Variants in TMBIM6 observed in about 807,000 individuals in gnomAD.
The protein encoded by TMBIM6 is bax inhibitor 1.
In TMBIM6, 13 loss-of-function variants were observed where a neutral mutation model predicts 31.4. That is an observed-to-expected ratio of 0.41 (90% CI 0.27 to 0.66). The LOEUF (loss-of-function observed/expected upper bound fraction) is 0.66, where lower values mean the gene tolerates loss of function less well. TMBIM6 is among the 30% of genes least tolerant of loss of function. The pLI is 0.28. For missense variants in TMBIM6, 275 were observed against 289.5 expected, an observed-to-expected ratio of 0.95 and a Z score of 0.36; for synonymous variants, 85 against 101.7, an observed-to-expected ratio of 0.84 and a Z score of 0.99.
At chr12:49,760,137 G>T (rs1345286466) in intron 8 of TMBIM6, among the ~76,000 whole-genome samples, 1 of 151,250 alleles carries the variant, frequency 6.6e-6, no homozygotes, top group Non-Finnish European at 1.5e-5. Flanking sequence ...AAAAGTGTTG[G>T]GGGGTGGCTA....
In TMBIM6 at chr12:49,752,480, C is replaced by T. The variant is rs138716941; in HGVS notation, c.-14C>T. The T allele has an allele frequency of 1.4e-4, 219 of 1,612,822 alleles. 2 individuals carry two copies. In the South Asian group the frequency reaches 1.5e-3, roughly 11 times the overall value. On this transcript the variant is annotated 5_prime_UTR_variant, in exon 2 of 10. The change creates a new upstream start codon in the 5' untranslated region. Coordinates refer to ENST00000267115, the MANE Select transcript of TMBIM6 (RefSeq NM_003217.3). ...ATTCTGCAGAGTGGAGACTGCTGCA[C>T]GGACTCTGGAACCATGAACATATTT...
chr12:49,748,689 C>T (rs1449866479), intron 1 of TMBIM6, among the ~76,000 whole-genome samples: 4 of 152,176 alleles, frequency 2.6e-5, no homozygotes, highest in African/African-American at 9.7e-5. Context: ...CAGTTACAAA[C>T]GCAGTATAGG....
chr12:49,744,876 TG>T (rs1457655922), intron 1 of TMBIM6, among the ~76,000 whole-genome samples: 1 of 152,192 alleles, frequency 6.6e-6, no homozygotes, highest in Non-Finnish European at 1.5e-5. Flanking sequence ...TTTAGGATTT[TG>T]GGGCCTTCTT....
intron 4 of TMBIM6, among the ~76,000 whole-genome samples, 173 bp downstream of exon 4, chr12:49,755,928 G>A (rs1945583573): frequency 6.7e-6 from 1 of 149,222 alleles, no homozygotes; most frequent in Admixed American, 6.7e-5. Flanking sequence ...CCGCCTCCCA[G>A]GTTCACACCA....
intron 1 of TMBIM6, among the ~76,000 whole-genome samples, chr12:49,748,323 C>G (rs1350242357): frequency 2.6e-5 from 4 of 152,048 alleles, no homozygotes; most frequent in Admixed American, 2.6e-4. Flanking sequence ...TTTAACATGA[C>G]CTAGATGTCC....
At chr12:49,755,910 T>C (rs1417008516) in intron 4 of TMBIM6, among the ~76,000 whole-genome samples, 155 bp downstream of exon 4, 1 of 148,634 alleles carries the variant, frequency 6.7e-6, no homozygotes, top group African/African-American at 2.5e-5. Flanking sequence ...CTTGGCTCAC[T>C]GCAAGCTCCG....
chr12:49,744,151 A>G (rs1045562901), intron 1 of TMBIM6, among the ~76,000 whole-genome samples: 19 of 152,188 alleles, frequency 1.2e-4, no homozygotes, highest in Admixed American at 2.6e-4. Flanking sequence ...ATGTGTGAGG[A>G]TTGAAGGTGA....
Position 49,752,503 on chromosome 12 carries a change from T to A in TMBIM6, c.10T>A (p.Phe4Ile). The change falls in exon 2 of 10, where the codon TTT becomes ATT. Residue 4 changes from phenylalanine to isoleucine, a missense_variant. Physicochemically the swap from Phe to Ile is conservative, Grantham distance 21. Coordinates refer to ENST00000267115, the MANE Select transcript of TMBIM6 (RefSeq NM_003217.3). MNI[F>I]DRKINFDALL... is the part of the protein sequence containing the mutation. ...CACGGACTCTGGAACCATGAACATA[T>A]TTGATCGAAAGATCAACTTTGATGC... The A allele has an allele frequency of 6.2e-7, 1 of 1,613,786 alleles. No homozygotes were observed. Among genetic ancestry groups the A allele is most frequent in the Non-Finnish European group, 8.5e-7 (1 of 1,179,974 alleles).
chr12:49,746,645 G>A (rs1231832747), intron 1 of TMBIM6, among the ~76,000 whole-genome samples: 1 of 152,182 alleles, frequency 6.6e-6, no homozygotes, highest in Non-Finnish European at 1.5e-5. Context: ...CACTGCTAAG[G>A]AAATAACTAG....
At chr12:49,758,981 T>G in intron 7 of TMBIM6, 1 of 629,492 alleles carries the variant, frequency 1.6e-6, no homozygotes, top group South Asian at 2.0e-5. Context: ...ACCATTTGTG[T>G]AAGGCCAGTC....
At chr12:49,758,956 AT>A in intron 7 of TMBIM6, 194 bp downstream of exon 7, 1 of 648,992 alleles carries the variant, frequency 1.5e-6, no homozygotes, top group South Asian at 2.0e-5. Flanking sequence ...CTAAGAGAAA[AT>A]GGTTTGCTCA....
At chr12:49,752,434 T>G in intron 1 of TMBIM6, 30 bp from the exon 2 acceptor site, 2 of 1,531,378 alleles carry the variant, frequency 1.3e-6, no homozygotes, top group Non-Finnish European at 1.8e-6. Context: ...CTGTATGACT[T>G]AATGACTCTA....
intron 8 of TMBIM6, among the ~76,000 whole-genome samples, chr12:49,760,038 G>C (rs111432591): frequency 1.3e-5 from 2 of 150,660 alleles, no homozygotes; most frequent in East Asian, 2.0e-4. Flanking sequence ...TGTGAACCGG[G>C]GAGGCGGAGC....
chr12:49,759,471 A>G (rs1945671472), intron 8 of TMBIM6, 150 bp downstream of exon 8: 1 of 650,348 alleles, frequency 1.5e-6, no homozygotes, highest in Non-Finnish European at 2.7e-6. Context: ...GTGTACCATA[A>G]TCTTCCTCAA....
At chr12:49,742,304 G>T in intron 1 of TMBIM6, 1 of 1,544,850 alleles carries the variant, frequency 6.5e-7, no homozygotes, top group Non-Finnish European at 8.7e-7. Flanking sequence ...GCTTTGCTTG[G>T]TCTTGAGGTT....
chr12:49,758,553 C>G, intron 6 of TMBIM6, 73 bp downstream of exon 6: 1 of 1,553,328 alleles, frequency 6.4e-7, no homozygotes, highest in Non-Finnish European at 8.9e-7. Flanking sequence ...TCCTTCCTTA[C>G]CCCTAACTCC....
chr12:49,759,336 T>C lies in TMBIM6; in HGVS notation c.614+15T>C. 1 of 1,600,948 alleles carries C rather than the reference T, an allele frequency of 6.2e-7. No individual in the cohort carries two copies. The highest frequency in any genetic ancestry group is 8.6e-7 in the Non-Finnish European group (1 of 1,168,154). On this transcript the variant is annotated intron_variant, in intron 8 of 9. Transcript: ENST00000267115. ...GATTATATCTGGTGAGTGTGGGAAC[T>C]AGTCTTTAACAAGCATGAAGGTTGA...
intron 1 of TMBIM6, among the ~76,000 whole-genome samples, chr12:49,743,949 G>A (rs910947216): frequency 2.0e-5 from 3 of 152,182 alleles, no homozygotes; most frequent in African/African-American, 7.2e-5. Flanking sequence ...AGCAGGTATT[G>A]ATCATCATCG....
At chr12:49,758,074 GA>G (rs1237686082) in intron 4 of TMBIM6, 152 bp from the exon 5 acceptor site, 2 of 759,354 alleles carry the variant, frequency 2.6e-6, no homozygotes, top group Non-Finnish European at 4.3e-6. Context: ...ACATTTTATT[GA>G]AAACAATTAC....
Sources: gnomAD v4.1 joint callset for allele counts (sites outside exome capture counted in the v4.1 genomes callset) on GRCh38, gnomAD v4.1.1 for gene constraint, MANE v1.5 for transcripts, NCBI Gene and HGNC (gene_info 2026-07-23, HGNC 2026-07-21) for gene names.